Variants in ANXA8 observed in about 807,000 individuals in gnomAD.
The protein encoded by ANXA8 is VAC-beta.
Under a neutral mutation model 26.8 loss-of-function variants are expected in ANXA8, and 9 were observed. The observed-to-expected ratio is 0.34, with a 90% CI of 0.20 to 0.59. The LOEUF (loss-of-function observed/expected upper bound fraction) is 0.59, where lower values mean the gene tolerates loss of function less well. Ranked by LOEUF, ANXA8 falls within the 20% of genes least tolerant of loss-of-function variation. ANXA8 has a pLI of 0.84. For synonymous variants in ANXA8, 39 were observed against 94.8 expected (o/e 0.41, Z 3.42); for missense variants, 83 against 238.5 (o/e 0.35, Z 4.29).
chr10:47,744,924 C>T, the ANXA8 span, among the ~76,000 whole-genome samples: 1 of 151,952 alleles, frequency 6.6e-6, no homozygotes, highest in Non-Finnish European at 1.5e-5. Context: ...CTCTGTTCAG[C>T]ATTTAAAATG....
chr10:47,670,371 T>C, the ANXA8 span, among the ~76,000 whole-genome samples: 4 of 152,026 alleles, frequency 2.6e-5, no homozygotes, highest in African/African-American at 9.7e-5. Flanking sequence ...CTTTTAGGTA[T>C]ATAGCTCGGT....
the ANXA8 span, among the ~76,000 whole-genome samples, chr10:47,680,418 T>C: frequency 1.3e-5 from 2 of 151,884 alleles, no homozygotes; most frequent in Non-Finnish European, 2.9e-5. Context: ...GTGGATCACC[T>C]GAGGTCAGGA....
At chr10:47,533,184 A>ATCACAC in the ANXA8 span, among the ~76,000 whole-genome samples, 7 of 133,320 alleles carry the variant, frequency 5.3e-5, no homozygotes, top group African/African-American at 3.1e-5. Context: ...GTAAACACAC[A>ATCACAC]TCACACACAC....
the ANXA8 span, among the ~76,000 whole-genome samples, chr10:47,909,878 C>G: frequency 7.5e-6 from 1 of 133,938 alleles, no homozygotes; most frequent in Non-Finnish European, 1.6e-5. Context: ...TAGCTAAGCA[C>G]AATTTGAGAT....
At chr10:47,750,357 ATTTT>A in the ANXA8 span, among the ~76,000 whole-genome samples, 5 of 135,448 alleles carry the variant, frequency 3.7e-5, no homozygotes, top group African/African-American at 1.1e-4. Flanking sequence ...TTATTTACTT[ATTTT>A]ATTTTTTTGT....
At chr10:47,894,702 T>TAACA in the ANXA8 span, among the ~76,000 whole-genome samples, 1 of 149,892 alleles carries the variant, frequency 6.7e-6, no homozygotes, top group Admixed American at 6.6e-5. Flanking sequence ...ACACACATAC[T>TAACA]AACACCCCAT....
At chr10:47,510,931 AATTAATTT>A in the ANXA8 span, among the ~76,000 whole-genome samples, 2 of 129,850 alleles carry the variant, frequency 1.5e-5, no homozygotes, top group African/African-American at 2.9e-5. Flanking sequence ...TTAATTAATT[AATTAATTT>A]ATTTATTTAT....
At chr10:47,486,214 G>T (rs2132447004), upstream of ANXA8, among the ~76,000 whole-genome samples, 1 of 151,498 alleles carries the variant, frequency 6.6e-6, no homozygotes, top group South Asian at 2.1e-4. Flanking sequence ...TCTGATCTCT[G>T]CGAGAACAGG....
At chr10:47,684,778 G>A in the ANXA8 span, among the ~76,000 whole-genome samples, 1 of 150,656 alleles carries the variant, frequency 6.6e-6, no homozygotes, top group South Asian at 2.1e-4. Flanking sequence ...TAGAGACGGG[G>A]TTTTACCATG....
the ANXA8 span, among the ~76,000 whole-genome samples, chr10:47,685,681 G>A: frequency 6.6e-6 from 1 of 151,434 alleles, no homozygotes; most frequent in Non-Finnish European, 1.5e-5. Context: ...CTCTAGAGGT[G>A]TGTGGAATGG....
chr10:47,510,080 T>C, the ANXA8 span: 48 of 1,478,372 alleles, frequency 3.2e-5, 1 homozygote, highest in South Asian at 5.7e-4. Context: ...TGACTCCAAT[T>C]TCTTAAGCTG....
the ANXA8 span, among the ~76,000 whole-genome samples, chr10:47,557,108 G>A: frequency 1.6e-5 from 2 of 126,390 alleles, no homozygotes; most frequent in Non-Finnish European, 3.2e-5. Flanking sequence ...CTGGGTTCAA[G>A]CAATTCTCCT....
At chr10:47,945,220 CA>C in the ANXA8 span, among the ~76,000 whole-genome samples, 6 of 149,754 alleles carry the variant, frequency 4.0e-5, no homozygotes, top group African/African-American at 1.5e-4. Flanking sequence ...TCCACTTCCT[CA>C]GGGGCATCTG....
chr10:47,474,479 G>A, intron 7 of ANXA8, 81 bp from the exon 8 acceptor site: 2 of 970,180 alleles, frequency 2.1e-6, no homozygotes, highest in Admixed American at 2.3e-5. Context: ...CAGAGCTGTG[G>A]CCATGGCCTG....
the ANXA8 span, among the ~76,000 whole-genome samples, chr10:47,547,852 C>T: frequency 7.2e-6 from 1 of 139,436 alleles, no homozygotes; most frequent in South Asian, 2.3e-4. Flanking sequence ...TTGTATGCTT[C>T]TATCAAAATA....
the ANXA8 span, among the ~76,000 whole-genome samples, chr10:47,768,117 G>A: frequency 6.0e-5 from 9 of 150,786 alleles, no homozygotes; most frequent in Non-Finnish European, 1.0e-4. Flanking sequence ...TTCCTCAATC[G>A]TCACCTCTGG....
chr10:47,772,102 T>C, the ANXA8 span, among the ~76,000 whole-genome samples: 1 of 151,466 alleles, frequency 6.6e-6, no homozygotes, highest in South Asian at 2.1e-4. Flanking sequence ...TTCTTTACTA[T>C]CAAATCAGAT....
chr10:47,528,220 C>A, the ANXA8 span, among the ~76,000 whole-genome samples: 8 of 140,924 alleles, frequency 5.7e-5, no homozygotes, highest in Non-Finnish European at 1.2e-4. Context: ...GCTGGGACTA[C>A]AGGCACCCGT....
chr10:47,675,895 G>A, the ANXA8 span, among the ~76,000 whole-genome samples: 1 of 151,658 alleles, frequency 6.6e-6, no homozygotes, highest in Non-Finnish European at 1.5e-5. Flanking sequence ...GGGGATTTCT[G>A]TAGAGTCATG....
Sources: gnomAD v4.1 joint callset for allele counts (sites outside exome capture counted in the v4.1 genomes callset) on GRCh38, gnomAD v4.1.1 for gene constraint, MANE v1.5 for transcripts, NCBI Gene and HGNC (gene_info 2026-07-23, HGNC 2026-07-21) for gene names.